The following DCC variants were observed in gnomAD, a reference collection of about 807,000 sequenced individuals.
DCC encodes the protein netrin receptor DCC.
Under a neutral mutation model 172.5 loss-of-function variants are expected in DCC, and 58 were observed. That is an observed-to-expected ratio of 0.34 (90% CI 0.27 to 0.42). DCC has a LOEUF of 0.42. DCC is among the 10% of genes least tolerant of loss of function. The pLI, the probability that DCC is intolerant of heterozygous loss-of-function variation, is 1.00. For synonymous variants in DCC, 709 were observed against 644.5 expected (o/e 1.10, Z -1.52); for missense variants, 1,740 against 1,791.0 (o/e 0.97, Z 0.51).
chr18:52,454,099 GA>G (rs1988387878), intron 1 of DCC, among the ~76,000 whole-genome samples: 1 of 151,996 alleles, frequency 6.6e-6, no homozygotes, highest in Non-Finnish European at 1.5e-5. Context: ...GCTTCAGTGA[GA>G]AAAATAAGAA....
At chr18:52,638,286 AAAAC>A (rs2034820781) in intron 1 of DCC, among the ~76,000 whole-genome samples, 2 of 152,160 alleles carry the variant, frequency 1.3e-5, no homozygotes, top group South Asian at 4.1e-4. Flanking sequence ...AAAACAAAAA[AAAAC>A]AAAGCACACA....
intron 2 of DCC, among the ~76,000 whole-genome samples, chr18:52,894,837 C>T (rs2145427604): frequency 6.6e-6 from 1 of 152,270 alleles, no homozygotes; most frequent in Admixed American, 6.5e-5. Context: ...AGCCCACCCA[C>T]ACTGGGGAAG....
At chr18:52,433,895 C>T (rs1987705434) in intron 1 of DCC, among the ~76,000 whole-genome samples, 2 of 152,146 alleles carry the variant, frequency 1.3e-5, no homozygotes, top group South Asian at 4.1e-4. Context: ...TCTGGTTTCC[C>T]TGTGATATAG....
At chr18:53,108,581 CA>C (rs912267305) in intron 7 of DCC, among the ~76,000 whole-genome samples, 2 of 151,598 alleles carry the variant, frequency 1.3e-5, no homozygotes, top group East Asian at 1.9e-4. Flanking sequence ...AAAGAAAAAC[CA>C]AAAAACTTGT....
chr18:53,211,845 C>T (rs989560181), intron 11 of DCC, among the ~76,000 whole-genome samples: 7 of 152,100 alleles, frequency 4.6e-5, no homozygotes, highest in Middle Eastern at 3.4e-3. Flanking sequence ...GCCAGAAGTT[C>T]GAGAACAGTC....
At chr18:52,961,661 G>C (rs985364296) in intron 5 of DCC, among the ~76,000 whole-genome samples, 1 of 152,170 alleles carries the variant, frequency 6.6e-6, no homozygotes, top group Non-Finnish European at 1.5e-5. Flanking sequence ...CATCGAGTTA[G>C]TTTCAAAAAT....
intron 10 of DCC, among the ~76,000 whole-genome samples, chr18:53,205,875 C>T (rs2055618462): frequency 6.6e-6 from 1 of 151,914 alleles, no homozygotes; most frequent in South Asian, 2.1e-4. Context: ...CATTTTGCTC[C>T]TACCCAATGG....
chr18:52,671,255 C>T (rs2035547440), intron 1 of DCC, among the ~76,000 whole-genome samples: 1 of 152,122 alleles, frequency 6.6e-6, no homozygotes, highest in African/African-American at 2.4e-5. Context: ...TCAAGGAACT[C>T]ACGGTCACCA....
chr18:53,470,737 A>C (rs372108915), intron 25 of DCC, among the ~76,000 whole-genome samples: 1 of 152,066 alleles, frequency 6.6e-6, no homozygotes, highest in Non-Finnish European at 1.5e-5. Context: ...GAGAGAGAGA[A>C]AAAACGAAGG....
chr18:53,136,862 ATAT>A (rs1357955932), intron 7 of DCC, among the ~76,000 whole-genome samples: 2 of 152,228 alleles, frequency 1.3e-5, no homozygotes, highest in African/African-American at 4.8e-5. Flanking sequence ...GTTTCTAATA[ATAT>A]TAAATCATTT....
At chr18:52,762,703 A>G (rs954129508) in intron 2 of DCC, among the ~76,000 whole-genome samples, 1 of 152,108 alleles carries the variant, frequency 6.6e-6, no homozygotes, top group Non-Finnish European at 1.5e-5. Flanking sequence ...ACATGCCTGC[A>G]GTCCTAGCTA....
chr18:52,458,410 C>T (rs948575669), intron 1 of DCC, among the ~76,000 whole-genome samples: 1 of 152,114 alleles, frequency 6.6e-6, no homozygotes, highest in Admixed American at 6.5e-5. Context: ...TACTCTATGT[C>T]GTTCAATCTT....
At chr18:52,739,925 G>A (rs2036792918) in intron 1 of DCC, among the ~76,000 whole-genome samples, 1 of 152,062 alleles carries the variant, frequency 6.6e-6, no homozygotes, top group Non-Finnish European at 1.5e-5. Context: ...CCCTATTGAT[G>A]CTATCTTTAA....
At chr18:52,420,426 C>T (rs1987208378) in intron 1 of DCC, among the ~76,000 whole-genome samples, 2 of 152,066 alleles carry the variant, frequency 1.3e-5, no homozygotes, top group African/African-American at 4.8e-5. Context: ...AAAGTATGGT[C>T]CACAGTCTCC....
At chr18:52,901,339 A>T (rs978348545) in intron 2 of DCC, among the ~76,000 whole-genome samples, 13 of 152,224 alleles carry the variant, frequency 8.5e-5, no homozygotes, top group African/African-American at 2.9e-4. Flanking sequence ...AGACTGAGGT[A>T]GGAGAATCGC....
At chr18:52,740,850 A>ATTTT (rs2036811018) in intron 1 of DCC, among the ~76,000 whole-genome samples, 1 of 152,144 alleles carries the variant, frequency 6.6e-6, no homozygotes. Flanking sequence ...GATTATAGCA[A>ATTTT]ATCTCTTAGT....
chr18:53,295,415 A>G (rs985621360), intron 12 of DCC, among the ~76,000 whole-genome samples: 1 of 152,164 alleles, frequency 6.6e-6, no homozygotes, highest in Non-Finnish European at 1.5e-5. Context: ...GTTTATAAAA[A>G]GACAAAATTG....
chr18:52,691,242 A>T (rs1377675730), intron 1 of DCC, among the ~76,000 whole-genome samples: 7 of 152,056 alleles, frequency 4.6e-5, no homozygotes, highest in Admixed American at 4.6e-4. Context: ...AGATTCAAGC[A>T]CTTTTTCCTG....
At chr18:52,643,613 A>G (rs1461582799) in intron 1 of DCC, among the ~76,000 whole-genome samples, 1 of 152,180 alleles carries the variant, frequency 6.6e-6, no homozygotes, top group Non-Finnish European at 1.5e-5. Flanking sequence ...CTGATTGGTT[A>G]TTTGGAGATA....
Sources: allele counts gnomAD v4.1 joint callset (sites outside exome capture counted in the v4.1 genomes callset), GRCh38; gene constraint gnomAD v4.1.1; transcripts MANE v1.5; gene names NCBI Gene and HGNC (gene_info 2026-07-23, HGNC 2026-07-21).